PRKN: variants seen among roughly 807,000 people sequenced by gnomAD.
PRKN encodes the protein parkin RBR E3 ubiquitin protein ligase.
Under a neutral mutation model 59.5 loss-of-function variants are expected in PRKN, and 56 were observed. The ratio of observed to expected loss-of-function variants is 0.94; its 90% CI spans 0.76 to 1.18. The LOEUF is 1.18. PRKN is among the 50% of genes most tolerant of loss of function. The probability of loss-of-function intolerance (pLI) is 0.00; values close to 1 mark genes in which losing one functional copy is unlikely to be tolerated. For missense variants in PRKN, 657 were observed against 596.4 expected (o/e 1.10, Z -1.06); for synonymous variants, 250 against 222.1 (o/e 1.13, Z -1.12).
chr6:162,364,979 C>CTT (rs574680485), intron 2 of PRKN, among the ~76,000 whole-genome samples: 49 of 126,730 alleles, frequency 3.9e-4, no homozygotes, highest in South Asian at 1.8e-3. Context: ...CTCTCTCTCT[C>CTT]TTTTTTTTTT....
chr6:162,444,432 C>T (rs1790212131), intron 1 of PRKN, among the ~76,000 whole-genome samples: 1 of 151,962 alleles, frequency 6.6e-6, no homozygotes, highest in African/African-American at 2.4e-5. Flanking sequence ...CACAAACCTA[C>T]ATTCCAGCAT....
chr6:162,040,606 A>T (rs1344834582), intron 5 of PRKN, among the ~76,000 whole-genome samples: 8 of 133,002 alleles, frequency 6.0e-5, no homozygotes, highest in Non-Finnish European at 7.8e-5. Flanking sequence ...TTTTTTGTAG[A>T]GACGGGGTTT....
intron 2 of PRKN, among the ~76,000 whole-genome samples, chr6:162,427,486 T>G (rs1789291850): frequency 6.6e-6 from 1 of 152,218 alleles, no homozygotes; most frequent in Non-Finnish European, 1.5e-5. Flanking sequence ...TGAACACAGG[T>G]GACCTACTGC....
chr6:161,896,107 TGA>T (rs1263493465), intron 6 of PRKN, among the ~76,000 whole-genome samples: 10 of 152,098 alleles, frequency 6.6e-5, no homozygotes, highest in Non-Finnish European at 1.5e-4. Context: ...ATAAATTATG[TGA>T]GAGAAAATAT....
At chr6:161,574,884 C>T (rs1393627909) in intron 7 of PRKN, among the ~76,000 whole-genome samples, 1 of 152,156 alleles carries the variant, frequency 6.6e-6, no homozygotes, top group Non-Finnish European at 1.5e-5. Context: ...TACCTACTGA[C>T]ACTGTGTTAG....
chr6:162,137,036 TTTATC>T (rs1781584823), intron 4 of PRKN, among the ~76,000 whole-genome samples: 1 of 152,030 alleles, frequency 6.6e-6, no homozygotes, highest in African/African-American at 2.4e-5. Context: ...AGAAAAAGGA[TTTATC>T]TTATAAGTAC....
chr6:161,398,920 C>G (rs577101429), intron 9 of PRKN, among the ~76,000 whole-genome samples: 1 of 152,262 alleles, frequency 6.6e-6, no homozygotes, highest in East Asian at 1.9e-4. Context: ...ACCCTCAAGC[C>G]TGGAAACCCA....
intron 9 of PRKN, among the ~76,000 whole-genome samples, chr6:161,426,932 G>A (rs1426055404): frequency 6.6e-6 from 1 of 152,012 alleles, no homozygotes; most frequent in Non-Finnish European, 1.5e-5. Flanking sequence ...TGTTAGCCAG[G>A]ATGGTCTCGA....
At chr6:162,312,249 T>C (rs1319140175) in intron 2 of PRKN, among the ~76,000 whole-genome samples, 2 of 152,148 alleles carry the variant, frequency 1.3e-5, no homozygotes, top group East Asian at 3.9e-4. Flanking sequence ...CTTAGGACTG[T>C]CATTTGGCTT....
At chr6:162,679,074 C>CTTTATTTATTTATTTA (rs71008105) in intron 1 of PRKN, among the ~76,000 whole-genome samples, 2,311 of 138,156 alleles carry the variant, frequency 0.017, 36 homozygotes, top group East Asian at 0.08. Context: ...TGTGCCTGGC[C>CTTTATTTATTTATTTA]TTTATTTATT....
At chr6:161,620,923 C>G (rs1187617274) in intron 7 of PRKN, among the ~76,000 whole-genome samples, 1 of 152,136 alleles carries the variant, frequency 6.6e-6, no homozygotes, top group South Asian at 2.1e-4. Flanking sequence ...GAAATGGTCA[C>G]CATGGAAGGC....
At chr6:161,951,304 A>G (rs1455021802) in intron 6 of PRKN, among the ~76,000 whole-genome samples, 1 of 152,202 alleles carries the variant, frequency 6.6e-6, no homozygotes, top group African/African-American at 2.4e-5. Context: ...AGGCCATCCA[A>G]CATTCTGGAG....
In PRKN at chr6:161,834,319, T is replaced by C. The variant is rs79606758; in HGVS notation, c.735-48411A>G. Among the ~76,000 whole-genome samples the C allele has an allele frequency of 6.8e-3, 1,042 of 152,228 alleles. 5 individuals are homozygous for C. The highest frequency in any genetic ancestry group is 0.011 in the Non-Finnish European group (731 of 68,006). ...GAAAAGCTCCTTCTTCCTTTGCAGG[T>C]AGAAGGCCTCACACATTCTCACTCT... On this transcript the variant is annotated intron_variant, in intron 6 of 11. Transcript: ENST00000366898.
chr6:162,194,286 A>G lies in PRKN; in HGVS notation c.534+6845T>C, dbSNP rs192762470. Among the ~76,000 whole-genome samples the G allele has an allele frequency of 2.6e-3, 403 of 152,388 alleles. 1 individual carries two copies. Among genetic ancestry groups the G allele is most frequent in the Middle Eastern group, 0.02 (6 of 294 alleles). On this transcript the variant is annotated intron_variant, in intron 4 of 11. Coordinates refer to ENST00000366898, the MANE Select transcript of PRKN (RefSeq NM_004562.3). ...CATTTTGAGAATAATCAAATACAGA[A>G]TACAATAAAAATACTTGAATAAATT...
intron 1 of PRKN, among the ~76,000 whole-genome samples, chr6:162,662,445 TTTTG>T (rs1038143211): frequency 3.7e-4 from 56 of 151,416 alleles, no homozygotes; most frequent in African/African-American, 9.8e-4. Context: ...ATTTATCTAT[TTTTG>T]TTTATGTTGC....
intron 9 of PRKN, among the ~76,000 whole-genome samples, chr6:161,500,876 C>CTTTTTTTTT (rs34247928): frequency 4.3e-5 from 5 of 115,402 alleles, no homozygotes; most frequent in African/African-American, 6.9e-5. Flanking sequence ...TTTTTTTTTT[C>CTTTTTTTTT]TTTTTTTTTT....
chr6:162,250,651 A>G (rs950428425), intron 3 of PRKN, among the ~76,000 whole-genome samples: 3 of 152,200 alleles, frequency 2.0e-5, no homozygotes, highest in Admixed American at 2.0e-4. Flanking sequence ...TCATCTATTT[A>G]TATCTGTTGG....
intron 7 of PRKN, among the ~76,000 whole-genome samples, chr6:161,647,788 G>A (rs1029221301): frequency 6.6e-6 from 1 of 152,164 alleles, no homozygotes; most frequent in Admixed American, 6.5e-5. Flanking sequence ...TTGTGTCACA[G>A]AAGTGCTTTT....
At chr6:161,691,559 T>C (rs910001107) in intron 7 of PRKN, among the ~76,000 whole-genome samples, 1 of 152,228 alleles carries the variant, frequency 6.6e-6, no homozygotes, top group Non-Finnish European at 1.5e-5. Flanking sequence ...CTAGGTTATC[T>C]GCTCATGCTG....
Sources: gnomAD v4.1 joint callset for allele counts (sites outside exome capture counted in the v4.1 genomes callset) on GRCh38, gnomAD v4.1.1 for gene constraint, MANE v1.5 for transcripts, NCBI Gene and HGNC (gene_info 2026-07-23, HGNC 2026-07-21) for gene names.